The following NEDD4L variants were observed in gnomAD, a reference collection of about 807,000 sequenced individuals.
NEDD4L encodes the protein NEDD4 like E3 ubiquitin protein ligase.
In NEDD4L, 54 loss-of-function variants were observed where a neutral mutation model predicts 148.9. The ratio of observed to expected loss-of-function variants is 0.36; its 90% CI spans 0.29 to 0.45. NEDD4L has a LOEUF of 0.45. Among genes scored for constraint, NEDD4L ranks in the 20% least tolerant of loss-of-function variants. The pLI, the probability that NEDD4L is intolerant of heterozygous loss-of-function variation, is 1.00. For synonymous variants in NEDD4L, 433 were observed against 440.7 expected (o/e 0.98, Z 0.22); for missense variants, 856 against 1,233.8 (o/e 0.69, Z 4.59).
At chr18:58,318,213 T>C (rs1268506073) in intron 6 of NEDD4L, among the ~76,000 whole-genome samples, 3 of 152,198 alleles carry the variant, frequency 2.0e-5, no homozygotes, top group African/African-American at 4.8e-5. Flanking sequence ...CAAGGTGGAT[T>C]ATTAACAGTC....
chr18:58,205,791 T>C (rs1015869893), intron 2 of NEDD4L, among the ~76,000 whole-genome samples: 1 of 151,952 alleles, frequency 6.6e-6, no homozygotes, highest in African/African-American at 2.4e-5. Context: ...ATAGTTTTGG[T>C]CTAACCCAGG....
At chr18:58,060,344 C>T (rs1177678274) in intron 1 of NEDD4L, among the ~76,000 whole-genome samples, 2 of 152,112 alleles carry the variant, frequency 1.3e-5, no homozygotes, top group Admixed American at 6.5e-5. Context: ...GAACCCCTGG[C>T]CTCAGGTAAT....
chr18:58,343,030 C>T lies in NEDD4L; in HGVS notation c.1502C>T (p.Pro501Leu). 6.2e-7 allele frequency: 1 copy of T among 1,613,508 alleles called. No homozygotes were observed. The highest frequency in any genetic ancestry group is 1.1e-5 in the South Asian group (1 of 90,906). Residue 501 changes from proline to leucine, a missense_variant, in exon 16 of 31, where the codon CCC becomes CTC. Coordinates refer to ENST00000400345, the MANE Select transcript of NEDD4L (RefSeq NM_001144967.3). ...QHKVTQSFLP[P>L]GWEMRIAPNG... ...AAAGTCACACAGAGCTTCTTGCCAC[C>T]CGGCTGGGAAATGAGGATAGCGCCA...
chr18:58,263,607 C>A (rs2148693331), intron 5 of NEDD4L, among the ~76,000 whole-genome samples: 1 of 148,564 alleles, frequency 6.7e-6, no homozygotes, highest in African/African-American at 2.5e-5. Context: ...CATGTCATAA[C>A]TCATCCATTT....
intron 1 of NEDD4L, among the ~76,000 whole-genome samples, chr18:58,125,765 A>G (rs2030964616): frequency 6.6e-6 from 1 of 152,252 alleles, no homozygotes; most frequent in South Asian, 2.1e-4. Flanking sequence ...ATGATATCAA[A>G]AATATTTCAA....
rs148284095 is a variant in NEDD4L, at chr18:58,197,068, G to A, written c.122+31207G>A. Among the ~76,000 whole-genome samples, 514 of 152,244 alleles carry A rather than the reference G, an allele frequency of 3.4e-3. 2 individuals are homozygous for A. The highest frequency in any genetic ancestry group is 9.3e-3 in the African/African-American group (386 of 41,532). ...CTTCTGACCCTGTTTGCTTGATGGC[G>A]ACTTCTCGTTGTGCTTGAGAATTGT... On this transcript the variant is annotated intron_variant, in intron 2 of 30. Coordinates refer to ENST00000400345, the MANE Select transcript of NEDD4L (RefSeq NM_001144967.3).
chr18:58,297,568 GC>G (rs1281643188), intron 5 of NEDD4L, among the ~76,000 whole-genome samples: 1 of 152,094 alleles, frequency 6.6e-6, no homozygotes. Context: ...GAGCATCCAA[GC>G]CCTTATCTCC....
chr18:58,082,102 ATTTT>A lies in NEDD4L; in HGVS notation c.48+37410_48+37413del, dbSNP rs1192932128. Among the ~76,000 whole-genome samples, 3 of 48,832 alleles carry A rather than the reference ATTTT, an allele frequency of 6.1e-5. No individual in the cohort carries two copies. The East Asian group carries it at 1.8e-3, about 30-fold the overall frequency. 32.0% of individuals were successfully genotyped at this position (48,832 alleles called of 152,430 possible). ...TGAATATATATATATATATATATATATTTTTTTTTTTTTTTTTTTCTTGAGATGG... is the reference window on the plus strand; with the variant it reads ...TGAATATATATATATATATATATATATTTTTTTTTTTTTTTCTTGAGATGG... On this transcript the variant is annotated intron_variant, in intron 1 of 30. Transcript: ENST00000400345.
chr18:58,348,552 C>T (rs2043431082), intron 16 of NEDD4L, among the ~76,000 whole-genome samples: 1 of 152,000 alleles, frequency 6.6e-6, no homozygotes, highest in Non-Finnish European at 1.5e-5. Context: ...TGGTCTCAAA[C>T]TCCTGACCTC....
At chr18:58,309,843 C>T (rs1343774296) in intron 5 of NEDD4L, among the ~76,000 whole-genome samples, 1 of 152,088 alleles carries the variant, frequency 6.6e-6, no homozygotes, top group Non-Finnish European at 1.5e-5. Context: ...TACACCTCAT[C>T]CCCTGATGTC....
chr18:58,128,138 C>G (rs145662585), intron 1 of NEDD4L, among the ~76,000 whole-genome samples: 2,723 of 152,230 alleles, frequency 0.018, 80 homozygotes, highest in African/African-American at 0.062. Context: ...CCTCCACCTC[C>G]TGGGTTCTAG....
chr18:58,052,712 T>C (rs2081931172), intron 1 of NEDD4L, among the ~76,000 whole-genome samples: 1 of 151,896 alleles, frequency 6.6e-6, no homozygotes, highest in African/African-American at 2.4e-5. Context: ...ATGCCTATAA[T>C]CCTAGCACTT....
chr18:58,363,298 C>G (rs1422926435), intron 19 of NEDD4L, among the ~76,000 whole-genome samples: 1 of 152,142 alleles, frequency 6.6e-6, no homozygotes, highest in East Asian at 1.9e-4. Flanking sequence ...AGATACTAGA[C>G]TAAGGATCAG....
At chr18:58,263,969 C>T (rs972510791) in intron 5 of NEDD4L, among the ~76,000 whole-genome samples, 2 of 150,038 alleles carry the variant, frequency 1.3e-5, no homozygotes, top group African/African-American at 4.8e-5. Flanking sequence ...CTCTGGGCTT[C>T]TTTTATATGG....
intron 2 of NEDD4L, among the ~76,000 whole-genome samples, chr18:58,239,242 C>T (rs2046361377): frequency 6.6e-6 from 1 of 152,254 alleles, no homozygotes; most frequent in Admixed American, 6.5e-5. Flanking sequence ...AATCTTTTTG[C>T]AAGCTGTCCC....
At chr18:58,045,450 A>T (rs1173421318) in intron 1 of NEDD4L, 1 of 255,890 alleles carries the variant, frequency 3.9e-6, no homozygotes, top group Non-Finnish European at 7.3e-6. Flanking sequence ...TCTTTTATTA[A>T]TAAAGCGACT....
Position 58,322,474 on chromosome 18 carries a change from T to A in NEDD4L, c.398T>A (p.Leu133His). The A allele has an allele frequency of 1.0e-6, 1 of 972,312 alleles. No homozygotes were observed. The highest frequency in any genetic ancestry group is 1.5e-6 in the Non-Finnish European group (1 of 657,898). 60.2% of individuals were successfully genotyped at this position (972,312 alleles called of 1,614,324 possible). The change falls in exon 7 of 31, where the codon CTC becomes CAC. Residue 133 changes from leucine to histidine, a missense_variant. Physicochemically the swap from Leu to His is moderately conservative, Grantham distance 99. This residue lies in a region of NEDD4L where 193 missense variants were observed against 244.2 expected (regional missense o/e 0.79). Transcript: ENST00000400345. ...CCCTATACATTTAAGGACTTTCTCCTCAGACCAAGAAGGTGAGGCTTGTGG... is the reference window on the plus strand; with the variant it reads ...CCCTATACATTTAAGGACTTTCTCCACAGACCAAGAAGGTGAGGCTTGTGG... ...ERPYTFKDFL[L>H]RPRSHKSRVK...
At chr18:58,194,500 CT>C (rs1189972189) in intron 2 of NEDD4L, among the ~76,000 whole-genome samples, 3 of 152,206 alleles carry the variant, frequency 2.0e-5, no homozygotes, top group Admixed American at 2.0e-4. Context: ...CCTCAACACT[CT>C]TGGCTCTTAA....
At chr18:58,116,557 C>T (rs1045549128) in intron 1 of NEDD4L, among the ~76,000 whole-genome samples, 3 of 152,178 alleles carry the variant, frequency 2.0e-5, no homozygotes, top group Non-Finnish European at 4.4e-5. Flanking sequence ...CTGTACTGCC[C>T]TATACAATAG....
Sources: allele counts gnomAD v4.1 joint callset (sites outside exome capture counted in the v4.1 genomes callset), GRCh38; gene constraint gnomAD v4.1.1; regional missense constraint gnomAD v4.1.1; transcripts MANE v1.5; gene names NCBI Gene and HGNC (gene_info 2026-07-23, HGNC 2026-07-21).